ZFHX3: variants seen among roughly 807,000 people sequenced by gnomAD.
The protein encoded by ZFHX3 is zinc finger homeobox 3, also known as zinc finger homeobox protein 3.
A neutral mutation model predicts 279.1 loss-of-function variants in ZFHX3; 42 were observed. The observed-to-expected ratio is 0.15, with a 90% CI of 0.12 to 0.19. The LOEUF is 0.19. Ranked by LOEUF, ZFHX3 falls within the 10% of genes least tolerant of loss-of-function variation. ZFHX3 has a pLI of 1.00. For missense variants in ZFHX3, 4,981 were observed against 4,754.0 expected (o/e 1.05, Z -1.40); for synonymous variants, 2,293 against 1,957.8 (o/e 1.17, Z -4.52).
chr16:73,799,687 G>A (rs34798441), intron 1 of ZFHX3, among the ~76,000 whole-genome samples: 6,874 of 152,228 alleles, frequency 0.045, 192 homozygotes, highest in Non-Finnish European at 0.069. Context: ...GTTCTTCCTT[G>A]AAACCTCCTG....
intron 4 of ZFHX3, among the ~76,000 whole-genome samples, chr16:72,849,127 G>T (rs1017277110): frequency 6.6e-6 from 1 of 152,142 alleles, no homozygotes; most frequent in Non-Finnish European, 1.5e-5. Context: ...AGAGGCCAAC[G>T]CCCGCCCTCC....
intron 3 of ZFHX3, among the ~76,000 whole-genome samples, chr16:73,410,297 T>G (rs2017440654): frequency 6.6e-6 from 1 of 152,120 alleles, no homozygotes; most frequent in Non-Finnish European, 1.5e-5. Flanking sequence ...CTGCCTGTAA[T>G]GCCAGCTACT....
At chr16:73,360,572 C>G (rs1265776435) in intron 3 of ZFHX3, among the ~76,000 whole-genome samples, 1 of 152,184 alleles carries the variant, frequency 6.6e-6, no homozygotes, top group African/African-American at 2.4e-5. Context: ...CTGCTGGCCT[C>G]AAGTGATCCA....
chr16:73,792,229 C>T (rs557517780), intron 1 of ZFHX3, among the ~76,000 whole-genome samples: 2 of 152,208 alleles, frequency 1.3e-5, no homozygotes, highest in East Asian at 1.9e-4. Context: ...ATGTATTCAC[C>T]CACTTTTATT....
chr16:73,840,501 C>T (rs1961274892), intron 1 of ZFHX3, among the ~76,000 whole-genome samples: 1 of 152,186 alleles, frequency 6.6e-6, no homozygotes, highest in South Asian at 2.1e-4. Context: ...CAGGAATTGG[C>T]TGGCATTTTC....
intron 1 of ZFHX3, among the ~76,000 whole-genome samples, chr16:73,884,087 A>C (rs2030267951): frequency 6.6e-6 from 1 of 152,220 alleles, no homozygotes; most frequent in Admixed American, 6.5e-5. Context: ...TTTGTGAAGT[A>C]GTTTCCAGCA....
chr16:73,161,510 C>CA (rs1273660594), intron 5 of ZFHX3, among the ~76,000 whole-genome samples: 2 of 152,334 alleles, frequency 1.3e-5, no homozygotes, highest in East Asian at 3.9e-4. Flanking sequence ...AAGTGCCTAG[C>CA]AGAGGGCATT....
chr16:73,338,959 G>A (rs998765158), intron 3 of ZFHX3, among the ~76,000 whole-genome samples: 5 of 152,112 alleles, frequency 3.3e-5, no homozygotes, highest in African/African-American at 9.7e-5. Context: ...CCTTCGCCAC[G>A]TGATGTGTCT....
rs2035997745 is a variant in ZFHX3, at chr16:72,798,687, A to G, written c.3995T>C (p.Ile1332Thr). 2 of 1,570,058 alleles carry G rather than the reference A, an allele frequency of 1.3e-6. No homozygotes were observed. Residue 1332 changes from isoleucine to threonine, a missense_variant, in exon 9 of 10, where the codon ATC (isoleucine) becomes ACC (threonine). Ile to Thr is a moderately conservative substitution (Grantham distance 89). Coordinates refer to ENST00000268489, the MANE Select transcript of ZFHX3 (RefSeq NM_006885.4). ...PETSEDLGKNILPSASTEQSG... is the reference protein window; with the variant it reads ...PETSEDLGKNTLPSASTEQSG... ...TTGCTCTGTGCTTGCGGATGGCAAG[A>G]TGTTCTTTCCCAGATCCTCTGAGGT...
At chr16:73,333,327 C>T (rs547265086) in intron 3 of ZFHX3, among the ~76,000 whole-genome samples, 1 of 151,924 alleles carries the variant, frequency 6.6e-6, no homozygotes, top group Admixed American at 6.6e-5. Flanking sequence ...TATATAGACA[C>T]AAGATACATA....
At chr16:72,991,144 G>A (rs13380725) in intron 1 of ZFHX3, among the ~76,000 whole-genome samples, 38,195 of 151,958 alleles carry the variant, frequency 0.25, 5,330 homozygotes, top group East Asian at 0.51. Flanking sequence ...TTACAGTACA[G>A]TAAGATATTC....
At chr16:73,188,202 T>C (rs1207045155) in intron 5 of ZFHX3, among the ~76,000 whole-genome samples, 11 of 150,524 alleles carry the variant, frequency 7.3e-5, no homozygotes, top group African/African-American at 2.7e-4. Flanking sequence ...TTATTATTAT[T>C]TTCCTTTTAA....
At chr16:73,112,697 C>T (rs960233259) in intron 7 of ZFHX3, among the ~76,000 whole-genome samples, 4 of 110,782 alleles carry the variant, frequency 3.6e-5, no homozygotes, top group Non-Finnish European at 5.0e-5. Flanking sequence ...GCCTGGGCGA[C>T]GGCGTGAGAC....
chr16:72,964,710 G>T (rs184087791), intron 1 of ZFHX3, among the ~76,000 whole-genome samples: 1 of 151,602 alleles, frequency 6.6e-6, no homozygotes, highest in African/African-American at 2.4e-5. Context: ...CCATCATACT[G>T]GAAGTCATCA....
intron 3 of ZFHX3, among the ~76,000 whole-genome samples, chr16:73,327,668 C>G (rs1484638555): frequency 6.6e-6 from 1 of 152,204 alleles, no homozygotes; most frequent in Non-Finnish European, 1.5e-5. Context: ...CCTTATCATT[C>G]AAGAATACCA....
intron 1 of ZFHX3, among the ~76,000 whole-genome samples, chr16:73,856,521 T>C (rs909114953): frequency 6.6e-6 from 1 of 152,190 alleles, no homozygotes; most frequent in African/African-American, 2.4e-5. Flanking sequence ...GAAAAATACA[T>C]ATTTGCTTGT....
At chr16:73,264,820 G>A (rs1355482941) in intron 4 of ZFHX3, among the ~76,000 whole-genome samples, 1 of 151,998 alleles carries the variant, frequency 6.6e-6, no homozygotes, top group East Asian at 1.9e-4. Flanking sequence ...ACTTATGAAT[G>A]AGAACAATGT....
chr16:73,365,869 C>G (rs1426631138), intron 3 of ZFHX3, among the ~76,000 whole-genome samples: 1 of 152,166 alleles, frequency 6.6e-6, no homozygotes, highest in Non-Finnish European at 1.5e-5. Context: ...GCAACGGAAC[C>G]AGCACATACA....
intron 4 of ZFHX3, among the ~76,000 whole-genome samples, chr16:72,873,150 G>A (rs1049899006): frequency 2.6e-5 from 4 of 152,116 alleles, no homozygotes; most frequent in African/African-American, 7.2e-5. Context: ...TTCAATGGGC[G>A]TATTTTTCAC....
Sources: allele counts gnomAD v4.1 joint callset (sites outside exome capture counted in the v4.1 genomes callset), GRCh38; gene constraint gnomAD v4.1.1; transcripts MANE v1.5; gene names NCBI Gene and HGNC (gene_info 2026-07-23, HGNC 2026-07-21).